Variants in RALGAPA2 observed in about 807,000 individuals in gnomAD.
RALGAPA2 encodes the protein ral GTPase-activating protein subunit alpha-2.
In RALGAPA2, 139 loss-of-function variants were observed where a neutral mutation model predicts 230.4. The ratio of observed to expected loss-of-function variants is 0.60; its 90% CI spans 0.53 to 0.69. The LOEUF (loss-of-function observed/expected upper bound fraction) is 0.69. Ranked by LOEUF, RALGAPA2 falls within the 30% of genes least tolerant of loss-of-function variation. The probability of loss-of-function intolerance (pLI) is 0.00; values close to 1 mark genes in which losing one functional copy is unlikely to be tolerated. For synonymous variants in RALGAPA2, 847 were observed against 837.8 expected (o/e 1.01, Z -0.19); for missense variants, 2,163 against 2,276.0 (o/e 0.95, Z 1.01).
Position 20,437,534 on chromosome 20 carries a change from A to G in RALGAPA2, c.5496-25386T>C, listed in dbSNP as rs1392667147. Among the ~76,000 whole-genome samples, 1 of 152,140 alleles carries G rather than the reference A, an allele frequency of 6.6e-6. No homozygotes were observed. The highest frequency in any genetic ancestry group is 1.5e-5 in the Non-Finnish European group (1 of 68,014). On this transcript the variant is annotated intron_variant, in intron 37 of 39. Coordinates refer to ENST00000202677, the MANE Select transcript of RALGAPA2 (RefSeq NM_020343.4). The surrounding 1 kb of genome is among the most constrained non-coding windows in gnomAD (Gnocchi z 4.1). ...ACTGTGGCTGGCAAGGCCCTGCCCC[A>G]CTGGGTGCCTGCCCCTGCTGTCACC... is the stretch of plus-strand genomic sequence containing the variant.
chr20:20,479,949 T>C (rs2061734411), intron 36 of RALGAPA2, among the ~76,000 whole-genome samples: 1 of 152,080 alleles, frequency 6.6e-6, no homozygotes, highest in African/African-American at 2.4e-5. Flanking sequence ...TCACCAAAAA[T>C]CCAAATGCAT....
At chr20:20,408,900 A>G (rs1220149850) in intron 38 of RALGAPA2, among the ~76,000 whole-genome samples, 3 of 152,264 alleles carry the variant, frequency 2.0e-5, no homozygotes, top group African/African-American at 4.8e-5. Context: ...TAGTTGAAAT[A>G]TCTTTACATG....
In RALGAPA2 at chr20:20,701,461, G is replaced by A. The variant is rs182919922; in HGVS notation, c.106+10914C>T. Among the ~76,000 whole-genome samples, 13 of 152,256 alleles carry A rather than the reference G, an allele frequency of 8.5e-5. No homozygotes were observed. In the South Asian group the frequency reaches 2.3e-3, roughly 27 times the overall value. On this transcript the variant is annotated intron_variant, in intron 1 of 39. Coordinates refer to ENST00000202677, the MANE Select transcript of RALGAPA2 (RefSeq NM_020343.4). ...AACACAAATAAACATGGTGTGGGCC[G>A]GGCGCGGTGGCTCACGCCTGTAATC...
chr20:20,434,238 C>CT (rs2060560753), intron 37 of RALGAPA2, among the ~76,000 whole-genome samples: 1 of 152,198 alleles, frequency 6.6e-6, no homozygotes, highest in South Asian at 2.1e-4. Flanking sequence ...GCCACACACA[C>CT]TGGCCTCTCA....
At chr20:20,644,721 T>C (rs1345826053) in intron 4 of RALGAPA2, among the ~76,000 whole-genome samples, 1 of 152,216 alleles carries the variant, frequency 6.6e-6, no homozygotes, top group East Asian at 1.9e-4. Flanking sequence ...CCAGTAATTT[T>C]TGGTCTAGAG....
intron 20 of RALGAPA2, among the ~76,000 whole-genome samples, chr20:20,574,531 A>G (rs1191498817): frequency 1.3e-5 from 2 of 152,220 alleles, no homozygotes; most frequent in African/African-American, 4.8e-5. Flanking sequence ...GTACGTCTCC[A>G]GCTTCCTAAA....
chr20:20,614,886 T>C (rs1380897304), intron 13 of RALGAPA2, among the ~76,000 whole-genome samples: 1 of 152,060 alleles, frequency 6.6e-6, no homozygotes. Context: ...GTAGGAAAGG[T>C]GCCACTGGTC....
chr20:20,585,176 T>G (rs183632160), intron 18 of RALGAPA2, among the ~76,000 whole-genome samples: 118 of 152,316 alleles, frequency 7.7e-4, no homozygotes, highest in African/African-American at 2.5e-3. Context: ...CTTTGTCAAC[T>G]TACATCCATC....
chr20:20,536,765 A>T lies in RALGAPA2; in HGVS notation c.3305T>A (p.Val1102Asp), dbSNP rs764320696. 6.2e-7 allele frequency: 1 copy of T among 1,612,552 alleles called. No individual in the cohort carries two copies. Among genetic ancestry groups the T allele is most frequent in the Non-Finnish European group, 8.5e-7 (1 of 1,178,838 alleles). The stretch of plus-strand genomic sequence containing the variant: ...GCAGACCAGAGAGCCGAGGACAGTG[A>T]CAGCCTCTGAACGAGGCGCCTGCAC... ...DILTAPRSEA[V>D]TVLGSLVCFP... is the part of the protein sequence containing the mutation. Residue 1102 changes from valine (V) to aspartate (D), a missense_variant, in exon 25 of 40, where the codon GTC becomes GAC. Coordinates refer to ENST00000202677, the MANE Select transcript of RALGAPA2 (RefSeq NM_020343.4).
intron 12 of RALGAPA2, among the ~76,000 whole-genome samples, chr20:20,618,369 C>A (rs1173417979): frequency 6.6e-6 from 1 of 152,034 alleles, no homozygotes; most frequent in Non-Finnish European, 1.5e-5. Context: ...TAAAGATGCA[C>A]ATGTGAAATC....
chr20:20,614,787 C>T (rs547054168), intron 13 of RALGAPA2, among the ~76,000 whole-genome samples: 2 of 152,306 alleles, frequency 1.3e-5, no homozygotes, highest in East Asian at 1.9e-4. Flanking sequence ...TGGTTTCCTA[C>T]CAACTGCAGA....
intron 1 of RALGAPA2, among the ~76,000 whole-genome samples, chr20:20,700,859 T>C (rs1438686910): frequency 1.3e-5 from 2 of 152,252 alleles, no homozygotes; most frequent in African/African-American, 4.8e-5. Flanking sequence ...ATTAATTTAA[T>C]GTTGGGAAAT....
intron 37 of RALGAPA2, among the ~76,000 whole-genome samples, chr20:20,416,556 T>C (rs2060168543): frequency 6.6e-6 from 1 of 152,186 alleles, no homozygotes; most frequent in Admixed American, 6.5e-5. Flanking sequence ...AAACTCCAAA[T>C]GAGACAAATC....
Position 20,487,123 on chromosome 20 carries a change from C to T in RALGAPA2, c.5367+7994G>A, listed in dbSNP as rs74990393. Among the ~76,000 whole-genome samples, 278 of 152,210 alleles carry T rather than the reference C, an allele frequency of 1.8e-3. 4 individuals are homozygous for T. The East Asian group carries it at 0.031, about 17-fold the overall frequency. On this transcript the variant is annotated intron_variant, in intron 36 of 39. Coordinates refer to ENST00000202677, the MANE Select transcript of RALGAPA2 (RefSeq NM_020343.4). ...ATTGTTTATTTTGCCTTTTAGTGGG[C>T]CTTGTACTTTTTGTTGAAAGCTGGA...
At chr20:20,431,368 A>G (rs1283990995) in intron 37 of RALGAPA2, among the ~76,000 whole-genome samples, 2 of 152,164 alleles carry the variant, frequency 1.3e-5, no homozygotes, top group Non-Finnish European at 2.9e-5. Context: ...GGGAGAAGGA[A>G]GGGTGCCACA....
chr20:20,408,688 T>G (rs1283451646), intron 38 of RALGAPA2, among the ~76,000 whole-genome samples: 1 of 152,132 alleles, frequency 6.6e-6, no homozygotes, highest in Non-Finnish European at 1.5e-5. Context: ...TCTTTCTTGG[T>G]GATATGATTG....
At chr20:20,579,900 T>C (rs1028100027) in intron 20 of RALGAPA2, among the ~76,000 whole-genome samples, 15 of 152,202 alleles carry the variant, frequency 9.9e-5, no homozygotes, top group African/African-American at 3.6e-4. Flanking sequence ...GTGCTATATT[T>C]TATCTTCTGT....
intron 20 of RALGAPA2, among the ~76,000 whole-genome samples, chr20:20,582,098 C>T (rs761874535): frequency 2.0e-5 from 3 of 152,010 alleles, no homozygotes; most frequent in Non-Finnish European, 4.4e-5. Context: ...TCCCCGTTCT[C>T]ATCAGCCTGG....
At chr20:20,604,828 T>C (rs1367155453) in intron 15 of RALGAPA2, among the ~76,000 whole-genome samples, 1 of 152,216 alleles carries the variant, frequency 6.6e-6, no homozygotes, top group East Asian at 1.9e-4. Context: ...TTCAGTTTCT[T>C]TGTCTGTGAT....
Sources: allele counts gnomAD v4.1 joint callset (sites outside exome capture counted in the v4.1 genomes callset), GRCh38; gene constraint gnomAD v4.1.1; non-coding constraint Gnocchi (gnomAD v3.1); transcripts MANE v1.5; gene names NCBI Gene and HGNC (gene_info 2026-07-23, HGNC 2026-07-21).